Variants in ADAMTS18 observed in about 807,000 individuals in gnomAD.
ADAMTS18 encodes A disintegrin and metalloproteinase with thrombospondin motifs 18.
A neutral mutation model predicts 165.9 loss-of-function variants in ADAMTS18; 157 were observed. The ratio of observed to expected loss-of-function variants is 0.95; its 90% CI spans 0.83 to 1.08. The LOEUF is 1.08. Ranked by LOEUF, ADAMTS18 falls within the 50% of genes least tolerant of loss-of-function variation. The pLI, the probability that ADAMTS18 is intolerant of heterozygous loss-of-function variation, is 0.00. For synonymous variants in ADAMTS18, 782 were observed against 578.2 expected, an observed-to-expected ratio of 1.35 and a Z score of -5.06; for missense variants, 2,040 against 1,534.0, an observed-to-expected ratio of 1.33 and a Z score of -5.51.
At chr16:77,395,498 A>C (rs2057244843) in intron 3 of ADAMTS18, among the ~76,000 whole-genome samples, 1 of 152,130 alleles carries the variant, frequency 6.6e-6, no homozygotes. Context: ...GTATCTTCCT[A>C]TCACCTCTCA....
intron 10 of ADAMTS18, among the ~76,000 whole-genome samples, chr16:77,345,906 T>G (rs2144696890): frequency 6.6e-6 from 1 of 152,228 alleles, no homozygotes; most frequent in South Asian, 2.1e-4. Context: ...AAATCCAAAG[T>G]CCTAACTGTC....
In ADAMTS18 at chr16:77,306,364, G is replaced by A. The variant is rs557371996; in HGVS notation, c.2533-5960C>T. Among the ~76,000 whole-genome samples the A allele has an allele frequency of 2.0e-5, 3 of 152,274 alleles. No individual in the cohort carries two copies. In the South Asian group the frequency reaches 6.2e-4, roughly 32 times the overall value. ...AGTTGGAAAACCACAGACAGGGGCT[G>A]GAATCTACCAACAACTCTCTGAAGG... On this transcript the variant is annotated intron_variant, in intron 16 of 22. Transcript: ENST00000282849.
At chr16:77,423,816 T>C (rs1292122870) in intron 3 of ADAMTS18, among the ~76,000 whole-genome samples, 1 of 152,174 alleles carries the variant, frequency 6.6e-6, no homozygotes, top group Non-Finnish European at 1.5e-5. Flanking sequence ...GCAAGCAGAA[T>C]TGCCAGTATC....
chr16:77,351,694 A>G (rs2056558347), intron 10 of ADAMTS18, among the ~76,000 whole-genome samples: 2 of 152,170 alleles, frequency 1.3e-5, no homozygotes, highest in Non-Finnish European at 2.9e-5. Flanking sequence ...TTCTGCCAAA[A>G]CCATCAACTT....
chr16:77,385,116 C>T lies in ADAMTS18; in HGVS notation c.496-17393G>A, dbSNP rs535661480. Among the ~76,000 whole-genome samples the T allele has an allele frequency of 1.4e-4, 22 of 152,174 alleles. No homozygotes were observed. The South Asian group carries it at 3.9e-3, about 27-fold the overall frequency. On this transcript the variant is annotated intron_variant, in intron 3 of 22. Transcript: ENST00000282849. ...TAGAGACAGGGTTTCACCATGTTGACCAGGCTGGTCTCGAACTCCTGAACT... is the reference window on the plus strand; with the variant it reads ...TAGAGACAGGGTTTCACCATGTTGATCAGGCTGGTCTCGAACTCCTGAACT...
At chr16:77,363,149 T>A (rs2056740566) in intron 6 of ADAMTS18, among the ~76,000 whole-genome samples, 1 of 152,076 alleles carries the variant, frequency 6.6e-6, no homozygotes, top group African/African-American at 2.4e-5. Flanking sequence ...AGAAACAGAG[T>A]TTAAACATCA....
rs553778789 is a variant in ADAMTS18 at position 77,307,686 on chromosome 16, T to C, written c.2533-7282A>G. Among the ~76,000 whole-genome samples, 49 of 152,348 alleles carry C rather than the reference T, an allele frequency of 3.2e-4. 1 individual carries two copies. The highest frequency in any genetic ancestry group is 1.1e-3 in the African/African-American group (47 of 41,586). ...TCTCGAGCCTGACTATTCTATCATC[T>C]GTTCTGAATTAATTCTCCATTACTT... On this transcript the variant is annotated intron_variant, in intron 16 of 22. Coordinates refer to ENST00000282849, the MANE Select transcript of ADAMTS18 (RefSeq NM_199355.4).
Position 77,392,470 on chromosome 16 carries a change from C to T in ADAMTS18, c.496-24747G>A, listed in dbSNP as rs150252320. ...GTTCACACCCTCATTTCCTCCTACA[C>T]GTGTCCACCTCAGAGAAAACTTCCC... On this transcript the variant is annotated intron_variant, in intron 3 of 22. Transcript: ENST00000282849. Among the ~76,000 whole-genome samples the T allele has an allele frequency of 1.7e-3, 261 of 152,288 alleles. 2 individuals carry two copies. Among genetic ancestry groups the T allele is most frequent in the African/African-American group, 6.1e-3 (253 of 41,556 alleles).
intron 3 of ADAMTS18, among the ~76,000 whole-genome samples, chr16:77,383,011 C>A (rs998642348): frequency 1.3e-5 from 2 of 152,200 alleles, no homozygotes; most frequent in Admixed American, 1.3e-4. Context: ...TCCTTCTTTG[C>A]TCCAAACTGA....
In ADAMTS18 at chr16:77,305,590, C is replaced by G. The variant is rs116270848; in HGVS notation, c.2533-5186G>C. Among the ~76,000 whole-genome samples the G allele has an allele frequency of 9.4e-3, 1,433 of 152,306 alleles. 21 individuals carry two copies. Among genetic ancestry groups the G allele is most frequent in the African/African-American group, 0.033 (1,351 of 41,562 alleles). ...TCCTGCCCAGCTAAATCCAGGTTTT[C>G]TCACCTGGATCAGTTTTAAGACACA... On this transcript the variant is annotated intron_variant, in intron 16 of 22. Transcript: ENST00000282849.
intron 22 of ADAMTS18, among the ~76,000 whole-genome samples, chr16:77,285,611 T>TGTAA (rs1030347293): frequency 2.0e-5 from 3 of 152,282 alleles, no homozygotes; most frequent in Middle Eastern, 3.4e-3. Context: ...ATCCCCTTCA[T>TGTAA]GTAAGTAAGT....
intron 3 of ADAMTS18, among the ~76,000 whole-genome samples, chr16:77,404,259 G>T (rs2057367246): frequency 6.6e-6 from 1 of 152,160 alleles, no homozygotes; most frequent in Admixed American, 6.5e-5. Context: ...AACTCCACAA[G>T]CCAATAGATG....
intron 3 of ADAMTS18, among the ~76,000 whole-genome samples, chr16:77,404,227 A>T (rs913410292): frequency 2.4e-4 from 36 of 152,194 alleles, no homozygotes; most frequent in African/African-American, 8.7e-4. Flanking sequence ...TGACTTCTGC[A>T]TTTCTGCTAA....
At chr16:77,364,078 G>C (rs2056755761) in intron 5 of ADAMTS18, 110 bp downstream of exon 5, 10 of 1,431,824 alleles carry the variant, frequency 7.0e-6, no homozygotes, top group Non-Finnish European at 9.8e-6. Context: ...GGCAGAAACT[G>C]CAATTACATT....
intron 2 of ADAMTS18, 96 bp downstream of exon 2, chr16:77,434,322 T>G: frequency 8.1e-6 from 11 of 1,363,068 alleles, no homozygotes; most frequent in Non-Finnish European, 1.1e-5. Flanking sequence ...CCTGCCAGGT[T>G]AGGGGGTGCG....
At chr16:77,430,177 A>AAAC (rs564171222) in intron 3 of ADAMTS18, among the ~76,000 whole-genome samples, 7,147 of 135,894 alleles carry the variant, frequency 0.053, 223 homozygotes, top group East Asian at 0.12. Context: ...AACAAACAAA[A>AAAC]AAACAAGATA....
intron 3 of ADAMTS18, among the ~76,000 whole-genome samples, chr16:77,405,433 G>A (rs1018419612): frequency 2.0e-5 from 3 of 152,140 alleles, no homozygotes; most frequent in African/African-American, 7.2e-5. Flanking sequence ...ATGGCCTGTA[G>A]TCAAGTTTCA....
chr16:77,388,095 A>G (rs2057134722), intron 3 of ADAMTS18, among the ~76,000 whole-genome samples: 1 of 152,066 alleles, frequency 6.6e-6, no homozygotes, highest in Non-Finnish European at 1.5e-5. Flanking sequence ...AGATTCACCT[A>G]CTCAGAAAGC....
intron 10 of ADAMTS18, among the ~76,000 whole-genome samples, chr16:77,348,657 G>C (rs961498684): frequency 2.0e-5 from 3 of 152,304 alleles, no homozygotes; most frequent in African/African-American, 7.2e-5. Context: ...ATCACTGTAA[G>C]CCCAATAAAT....
Sources: allele counts gnomAD v4.1 joint callset (sites outside exome capture counted in the v4.1 genomes callset), GRCh38; gene constraint gnomAD v4.1.1; transcripts MANE v1.5; gene names NCBI Gene and HGNC (gene_info 2026-07-23, HGNC 2026-07-21).